SLCO2A1: variants seen among roughly 807,000 people sequenced by gnomAD.
SLCO2A1 encodes the protein solute carrier organic anion transporter family member 2A1, also known as matrin F/G 1.
SLCO2A1 carries 60 observed loss-of-function variants against 71.7 expected under a neutral mutation model. That is an observed-to-expected ratio of 0.84 (90% CI 0.68 to 1.04). The LOEUF is 1.04. Among genes scored for constraint, SLCO2A1 ranks in the 50% least tolerant of loss-of-function variants. The pLI is 0.00. For missense variants in SLCO2A1, 745 were observed against 813.4 expected (o/e 0.92, Z 1.02); for synonymous variants, 308 against 326.7 (o/e 0.94, Z 0.62).
intron 1 of SLCO2A1, among the ~76,000 whole-genome samples, chr3:133,983,457 C>A (rs1033921093): frequency 2.0e-5 from 3 of 152,224 alleles, no homozygotes; most frequent in Non-Finnish European, 2.9e-5. Context: ...TGTCAGCAAC[C>A]TAAATGTGGC....
chr3:134,026,388 T>A (rs1205843164), intron 1 of SLCO2A1, among the ~76,000 whole-genome samples: 2 of 151,448 alleles, frequency 1.3e-5, no homozygotes, highest in Non-Finnish European at 2.9e-5. Context: ...CCAAATTACC[T>A]GACCAGTAGG....
At chr3:133,945,309 A>G in intron 9 of SLCO2A1, 49 bp from the exon 10 acceptor site, 1 of 1,547,240 alleles carries the variant, frequency 6.5e-7, no homozygotes, top group Non-Finnish European at 8.7e-7. Flanking sequence ...AGACCAAAGA[A>G]AAACCCTACA....
intron 1 of SLCO2A1, among the ~76,000 whole-genome samples, chr3:134,007,225 A>T (rs551449672): frequency 6.6e-6 from 1 of 152,310 alleles, no homozygotes; most frequent in East Asian, 1.9e-4. Flanking sequence ...TTCATCTTTC[A>T]TCAGATATAT....
chr3:134,023,285 T>A (rs1215406368), intron 1 of SLCO2A1, among the ~76,000 whole-genome samples: 1 of 152,234 alleles, frequency 6.6e-6, no homozygotes. Context: ...ATTCTATTAC[T>A]CTTTCTTCTT....
intron 11 of SLCO2A1, among the ~76,000 whole-genome samples, chr3:133,940,556 GA>G (rs1435535541): frequency 6.6e-6 from 1 of 152,182 alleles, no homozygotes; most frequent in Non-Finnish European, 1.5e-5. Context: ...TTGCCAGGGA[GA>G]TTTTCCTACT....
intron 1 of SLCO2A1, among the ~76,000 whole-genome samples, chr3:133,980,398 G>C (rs951373284): frequency 6.6e-6 from 1 of 152,232 alleles, no homozygotes; most frequent in Non-Finnish European, 1.5e-5. Context: ...TGGTGGATGG[G>C]AACAGATAAC....
At chr3:134,000,629 T>C (rs1935087657) in intron 1 of SLCO2A1, among the ~76,000 whole-genome samples, 2 of 152,188 alleles carry the variant, frequency 1.3e-5, no homozygotes, top group Non-Finnish European at 2.9e-5. Context: ...GCCTCACTTC[T>C]GTCAACTATT....
chr3:133,946,489 C>A lies in SLCO2A1; in HGVS notation c.1295+767G>T, dbSNP rs564883598. The stretch of plus-strand genomic sequence containing the variant: ...CAACAGGCAGACTTTACCTGACCTT[C>A]TCCTCACCTGCCCTAATTTTTCAAG... On this transcript the variant is annotated intron_variant, in intron 9 of 13. Coordinates refer to ENST00000310926, the MANE Select transcript of SLCO2A1 (RefSeq NM_005630.3). Among the ~76,000 whole-genome samples, 3 of 152,282 alleles carry A rather than the reference C, an allele frequency of 2.0e-5. No homozygotes were observed. In the East Asian group the frequency reaches 5.8e-4, roughly 29 times the overall value.
chr3:134,029,820 C>G lies in SLCO2A1; in HGVS notation c.-18G>C, dbSNP rs900890976. On this transcript the variant is annotated 5_prime_UTR_variant, in exon 1 of 14. Coordinates refer to ENST00000310926, the MANE Select transcript of SLCO2A1 (RefSeq NM_005630.3). ...AGCCCCATGGCTGCGGGCGGCTGGC[C>G]GGGCGCGGAGTGGCGCGGGGTCGGG... 24 of 1,397,166 alleles carry G rather than the reference C, an allele frequency of 1.7e-5. No homozygotes were observed. Among genetic ancestry groups the G allele is most frequent in the Non-Finnish European group, 2.0e-5 (22 of 1,078,112 alleles). The allele number at this position is 1,397,166 out of a possible 1,614,324, so 86.5% of individuals were successfully genotyped here.
intron 1 of SLCO2A1, among the ~76,000 whole-genome samples, chr3:133,983,945 C>A (rs1396027916): frequency 6.6e-6 from 1 of 152,174 alleles, no homozygotes; most frequent in Non-Finnish European, 1.5e-5. Context: ...GGGCTGTTTC[C>A]AGCCTGAGGG....
At chr3:133,936,396 A>T (rs1344217895) in intron 12 of SLCO2A1, among the ~76,000 whole-genome samples, 1 of 152,134 alleles carries the variant, frequency 6.6e-6, no homozygotes, top group Non-Finnish European at 1.5e-5. Flanking sequence ...AATCCCATGT[A>T]CTTCCACCAC....
At chr3:133,994,297 G>T (rs1002026978) in intron 1 of SLCO2A1, among the ~76,000 whole-genome samples, 1 of 152,242 alleles carries the variant, frequency 6.6e-6, no homozygotes, top group African/African-American at 2.4e-5. Context: ...TCAGGGCAGA[G>T]TTGGCAAATA....
At chr3:133,953,161 T>C (rs1443362278) in intron 5 of SLCO2A1, among the ~76,000 whole-genome samples, 2 of 151,972 alleles carry the variant, frequency 1.3e-5, no homozygotes, top group Admixed American at 6.6e-5. Context: ...CTCAGCCTCC[T>C]AAGTAGCTGG....
At chr3:133,946,155 G>T (rs1214407905) in intron 9 of SLCO2A1, among the ~76,000 whole-genome samples, 1 of 151,242 alleles carries the variant, frequency 6.6e-6, no homozygotes, top group Non-Finnish European at 1.5e-5. Context: ...CTAGGGGTGA[G>T]CTCCCTACCC....
intron 1 of SLCO2A1, among the ~76,000 whole-genome samples, chr3:133,983,415 G>A (rs1352265723): frequency 1.3e-5 from 2 of 152,222 alleles, no homozygotes; most frequent in African/African-American, 2.4e-5. Context: ...CTACCCCAAT[G>A]AGCCCTGTGC....
chr3:133,973,787 A>G lies in SLCO2A1; in HGVS notation c.273T>C (p.Phe91=), dbSNP rs774672737. Residue 91 remains phenylalanine, a synonymous_variant, in exon 3 of 14, where the codon TTT becomes TTC. Coordinates refer to ENST00000310926, the MANE Select transcript of SLCO2A1 (RefSeq NM_005630.3). The stretch of plus-strand genomic sequence containing the variant: ...GACGTGGACGGTGCACCCGGCTGCC[A>G]AAGTAGCTGACAAAGATGATGAGGA... ...NAILIIFVSY[F]GSRVHRPRLI... 6.2e-7 allele frequency: 1 copy of G among 1,613,990 alleles called. No individual in the cohort carries two copies. Among genetic ancestry groups the G allele is most frequent in the Non-Finnish European group, 8.5e-7 (1 of 1,179,982 alleles).
chr3:134,009,145 C>T (rs1322731800), intron 1 of SLCO2A1, among the ~76,000 whole-genome samples: 2 of 152,152 alleles, frequency 1.3e-5, no homozygotes, highest in East Asian at 3.9e-4. Context: ...ATAGATTTTT[C>T]TAAGCATAAA....
At chr3:133,936,394 G>A (rs371709268) in intron 12 of SLCO2A1, among the ~76,000 whole-genome samples, 16 of 152,270 alleles carry the variant, frequency 1.1e-4, no homozygotes, top group African/African-American at 2.6e-4. Flanking sequence ...CGAATCCCAT[G>A]TACTTCCACC....
chr3:134,028,118 A>G (rs2108083062), intron 1 of SLCO2A1, among the ~76,000 whole-genome samples: 2 of 152,298 alleles, frequency 1.3e-5, no homozygotes, highest in East Asian at 3.9e-4. Context: ...TATTTTAGGG[A>G]ACCAGGGTGG....
Sources: gnomAD v4.1 joint callset for allele counts (sites outside exome capture counted in the v4.1 genomes callset) on GRCh38, gnomAD v4.1.1 for gene constraint, MANE v1.5 for transcripts, NCBI Gene and HGNC (gene_info 2026-07-23, HGNC 2026-07-21) for gene names.